Variants in TMTC1 observed in about 807,000 individuals in gnomAD.
TMTC1 encodes protein O-mannosyl-transferase TMTC1.
In TMTC1, 73 loss-of-function variants were observed where a neutral mutation model predicts 104.8. The observed-to-expected ratio is 0.70, with a 90% CI of 0.58 to 0.85. The LOEUF (loss-of-function observed/expected upper bound fraction) is 0.85. Among genes scored for constraint, TMTC1 ranks in the 40% least tolerant of loss-of-function variants. The pLI is 0.00. For missense variants in TMTC1, 1,035 were observed against 1,096.1 expected (o/e 0.94, Z 0.79); for synonymous variants, 434 against 428.7 (o/e 1.01, Z -0.15).
chr12:29,699,480 T>C (rs190732007), intron 5 of TMTC1, among the ~76,000 whole-genome samples: 1 of 152,306 alleles, frequency 6.6e-6, no homozygotes, highest in East Asian at 1.9e-4. Context: ...ATGACTACTT[T>C]GAATACCACA....
chr12:29,526,547 A>C (rs1346100184), intron 11 of TMTC1, among the ~76,000 whole-genome samples: 2 of 152,308 alleles, frequency 1.3e-5, no homozygotes, highest in African/African-American at 2.4e-5. Context: ...TTTATAACCC[A>C]GTCAGTCTCT....
At chr12:29,580,576 G>A (rs1945950766) in intron 8 of TMTC1, among the ~76,000 whole-genome samples, 1 of 152,168 alleles carries the variant, frequency 6.6e-6, no homozygotes, top group Admixed American at 6.5e-5. Context: ...ATATGTTTTA[G>A]GAATGGTCTA....
At chr12:29,667,460 T>C (rs1405808116) in intron 5 of TMTC1, among the ~76,000 whole-genome samples, 1 of 152,192 alleles carries the variant, frequency 6.6e-6, no homozygotes, top group Non-Finnish European at 1.5e-5. Context: ...AATTATCATA[T>C]ATTAAACGGT....
At chr12:29,747,652 A>G (rs988887508) in intron 5 of TMTC1, among the ~76,000 whole-genome samples, 1 of 152,244 alleles carries the variant, frequency 6.6e-6, no homozygotes, top group Non-Finnish European at 1.5e-5. Context: ...TTGCAGGTTC[A>G]GCATTTTCAT....
intron 11 of TMTC1, 49 bp from the exon 12 acceptor site, chr12:29,520,769 C>T (rs189321451): frequency 0.012 from 18,090 of 1,449,520 alleles, 159 homozygotes; most frequent in Non-Finnish European, 0.016. Context: ...CTTTCTAAAA[C>T]CAACAATAAC....
At chr12:29,648,436 C>A (rs1591859508) in intron 5 of TMTC1, among the ~76,000 whole-genome samples, 1 of 152,202 alleles carries the variant, frequency 6.6e-6, no homozygotes, top group East Asian at 1.9e-4. Context: ...AGATGAGAAT[C>A]AAATTCTAAA....
chr12:29,637,681 A>C (rs998075830), intron 5 of TMTC1, among the ~76,000 whole-genome samples: 3 of 152,228 alleles, frequency 2.0e-5, no homozygotes, highest in African/African-American at 7.2e-5. Flanking sequence ...GAAAAAAATC[A>C]AAGTGTTTTA....
intron 10 of TMTC1, among the ~76,000 whole-genome samples, chr12:29,539,377 T>C (rs541846277): frequency 6.6e-6 from 1 of 152,026 alleles, no homozygotes; most frequent in South Asian, 2.1e-4. Context: ...TTTCGCTTGC[T>C]AATGCCTTGG....
chr12:29,708,230 G>C (rs1044413387), intron 5 of TMTC1, among the ~76,000 whole-genome samples: 1 of 152,192 alleles, frequency 6.6e-6, no homozygotes, highest in Non-Finnish European at 1.5e-5. Flanking sequence ...GAGGTGCTCT[G>C]ATTCACTTTG....
chr12:29,728,725 G>A (rs898964074), intron 5 of TMTC1, among the ~76,000 whole-genome samples: 77 of 151,956 alleles, frequency 5.1e-4, no homozygotes, highest in African/African-American at 1.8e-3. Context: ...CTGGCAAGGC[G>A]CAGTGGCTTA....
At chr12:29,666,941 T>C (rs1017362934) in intron 5 of TMTC1, among the ~76,000 whole-genome samples, 3 of 152,214 alleles carry the variant, frequency 2.0e-5, no homozygotes, top group Admixed American at 6.5e-5. Context: ...AGTCACATAT[T>C]CAGATCAAAA....
In TMTC1 at chr12:29,517,329, C is replaced by T. The variant is rs3910443; in HGVS notation, c.2169+98G>A. The T allele has an allele frequency of 5.0e-3, 6,731 of 1,350,990 alleles. 177 individuals are homozygous for T. In the African/African-American group the frequency reaches 0.067, roughly 13 times the overall value. The allele number at this position is 1,350,990 out of a possible 1,614,324, so 83.7% of individuals were successfully genotyped here. ...GAATATTCATACAGTGGATATATTA[C>T]GGCATTCCAGCTCCAGTTTTGAGGC... On this transcript the variant is annotated intron_variant, in intron 14 of 17. Coordinates refer to ENST00000539277, the MANE Select transcript of TMTC1 (RefSeq NM_001193451.2).
chr12:29,595,601 A>T (rs1044526606), intron 7 of TMTC1, among the ~76,000 whole-genome samples: 1 of 152,186 alleles, frequency 6.6e-6, no homozygotes, highest in Non-Finnish European at 1.5e-5. Context: ...GATGAGACTT[A>T]ACTCCTAGCT....
intron 1 of TMTC1, among the ~76,000 whole-genome samples, chr12:29,778,437 G>T (rs1191100961): frequency 6.6e-6 from 1 of 152,048 alleles, no homozygotes; most frequent in Non-Finnish European, 1.5e-5. Context: ...TCAAGGGAGG[G>T]GTTATGGACA....
chr12:29,719,810 T>C (rs1942185860), intron 5 of TMTC1, among the ~76,000 whole-genome samples: 2 of 152,268 alleles, frequency 1.3e-5, no homozygotes, highest in South Asian at 2.1e-4. Context: ...AGCTCATCAG[T>C]ATACTCACAA....
chr12:29,754,337 A>C (rs1236948089), intron 4 of TMTC1, among the ~76,000 whole-genome samples: 2 of 152,224 alleles, frequency 1.3e-5, no homozygotes, highest in Non-Finnish European at 2.9e-5. Flanking sequence ...GACTACATGA[A>C]GAAGAAAGAA....
chr12:29,748,337 A>C (rs74082508), intron 5 of TMTC1, among the ~76,000 whole-genome samples: 1 of 152,194 alleles, frequency 6.6e-6, no homozygotes, highest in Non-Finnish European at 1.5e-5. Context: ...GAGGTGTCTC[A>C]TTTGTGGAAC....
At chr12:29,519,663 T>A in intron 12 of TMTC1, 1 of 151,978 alleles carries the variant, frequency 6.6e-6, no homozygotes, top group Non-Finnish European at 1.5e-5. Flanking sequence ...TTTAGGGGTG[T>A]GGTGGGGTGG....
At chr12:29,541,706 T>C (rs1417065361) in intron 10 of TMTC1, among the ~76,000 whole-genome samples, 2 of 146,590 alleles carry the variant, frequency 1.4e-5, no homozygotes, top group Non-Finnish European at 3.0e-5. Flanking sequence ...TCGCCCAGGC[T>C]GGAGTGCAGT....
Sources: allele counts gnomAD v4.1 joint callset (sites outside exome capture counted in the v4.1 genomes callset), GRCh38; gene constraint gnomAD v4.1.1; transcripts MANE v1.5; gene names NCBI Gene and HGNC (gene_info 2026-07-23, HGNC 2026-07-21).